CNTLN: variants seen among roughly 807,000 people sequenced by gnomAD.
The protein encoded by CNTLN is centlein, also known as centlein, centrosomal protein.
In CNTLN, 212 loss-of-function variants were observed where a neutral mutation model predicts 180.0. The observed-to-expected ratio is 1.18, with a 90% CI of 1.05 to 1.32. The LOEUF (loss-of-function observed/expected upper bound fraction) is 1.32, where lower values mean the gene tolerates loss of function less well. Among genes scored for constraint, CNTLN ranks in the 40% most tolerant of loss-of-function variants. The pLI, the probability that CNTLN is intolerant of heterozygous loss-of-function variation, is 0.00. For missense variants in CNTLN, 2,095 were observed against 1,610.9 expected, an observed-to-expected ratio of 1.30 and a Z score of -5.14; for synonymous variants, 722 against 563.1, an observed-to-expected ratio of 1.28 and a Z score of -3.99.
At chr9:17,413,091 TA>T (rs1827974457) in intron 16 of CNTLN, among the ~76,000 whole-genome samples, 1 of 152,154 alleles carries the variant, frequency 6.6e-6, no homozygotes, top group African/African-American at 2.4e-5. Flanking sequence ...ATTATTCACA[TA>T]ATGGAACAGA....
chr9:17,366,562 A>C, intron 12 of CNTLN, 55 bp from the exon 13 acceptor site: 1 of 845,040 alleles, frequency 1.2e-6, no homozygotes, highest in Admixed American at 2.2e-5. Context: ...TATATGTTTG[A>C]TTTTTTTAAA....
At chr9:17,217,941 T>G (rs1275943132) in intron 2 of CNTLN, among the ~76,000 whole-genome samples, 1 of 152,168 alleles carries the variant, frequency 6.6e-6, no homozygotes, top group Non-Finnish European at 1.5e-5. Flanking sequence ...TGATCTTATT[T>G]AATACTATAT....
intron 12 of CNTLN, among the ~76,000 whole-genome samples, chr9:17,352,294 T>C (rs1215872747): frequency 2.6e-5 from 4 of 151,318 alleles, no homozygotes; most frequent in African/African-American, 9.7e-5. Flanking sequence ...TCCATAATAA[T>C]TGCTTAAGTA....
intron 2 of CNTLN, among the ~76,000 whole-genome samples, chr9:17,173,924 G>C (rs1820562163): frequency 6.6e-6 from 1 of 152,136 alleles, no homozygotes; most frequent in Non-Finnish European, 1.5e-5. Flanking sequence ...CATTTATACA[G>C]TCAATGCAGA....
Position 17,236,334 on chromosome 9 carries a change from A to AT in CNTLN, c.670-73dup, listed in dbSNP as rs1437402603. 13 of 1,248,142 alleles carry AT rather than the reference A, an allele frequency of 1.0e-5. No individual in the cohort carries two copies. In the East Asian group the frequency reaches 3.0e-4, roughly 29 times the overall value. 77.3% of individuals were successfully genotyped at this position (1,248,142 alleles called of 1,614,324 possible). On this transcript the variant is annotated intron_variant, in intron 4 of 25. Transcript: ENST00000380647. ...AAAACTGCACAGTTTGTATTTGCTG[A>AT]TTAGTGCTCACCATTTTTTGGGTTT...
chr9:17,516,661 G>A, the CNTLN span, among the ~76,000 whole-genome samples: 1 of 152,114 alleles, frequency 6.6e-6, no homozygotes, highest in Non-Finnish European at 1.5e-5. Context: ...TCACATCAGG[G>A]TCCTATGGCC....
At chr9:17,445,414 T>C (rs112047582) in intron 18 of CNTLN, among the ~76,000 whole-genome samples, 12 of 151,980 alleles carry the variant, frequency 7.9e-5, no homozygotes, top group African/African-American at 2.9e-4. Flanking sequence ...TAGAAAGAAG[T>C]AGACATAGGA....
chr9:17,466,000 A>T lies in CNTLN; in HGVS notation c.3551A>T (p.Glu1184Val). ...LDKKVKTLTE[E>V]CSNKKVSIDS... ...ATGTAGGTAAAGACATTAACTGAAGAATGTTCCAACAAGAAGGTATCAATT... is the reference window on the plus strand; with the variant it reads ...ATGTAGGTAAAGACATTAACTGAAGTATGTTCCAACAAGAAGGTATCAATT... The change falls in exon 22 of 26, where the codon GAA (glutamate) becomes GTA (valine). Residue 1184 changes from glutamate (E) to valine (V), a missense_variant. By Grantham distance (121) the Glu-to-Val change is moderately radical (BLOSUM62 -2). Transcript: ENST00000380647. 1 of 1,603,964 alleles carries T rather than the reference A, an allele frequency of 6.2e-7. No individual in the cohort carries two copies. Among genetic ancestry groups the T allele is most frequent in the Non-Finnish European group, 8.5e-7 (1 of 1,173,596 alleles).
intron 8 of CNTLN, among the ~76,000 whole-genome samples, chr9:17,316,458 T>C (rs1819544837): frequency 6.6e-6 from 1 of 152,106 alleles, no homozygotes. Flanking sequence ...TATGTCCTGA[T>C]AAACCTATTG....
intron 5 of CNTLN, among the ~76,000 whole-genome samples, chr9:17,252,979 A>G (rs1826245372): frequency 6.6e-6 from 1 of 151,514 alleles, no homozygotes; most frequent in Admixed American, 6.6e-5. Flanking sequence ...TCTTTTACTC[A>G]TGGTTATCTA....
At chr9:17,171,397 G>A (rs1021249557) in intron 2 of CNTLN, among the ~76,000 whole-genome samples, 2 of 152,138 alleles carry the variant, frequency 1.3e-5, no homozygotes, top group African/African-American at 4.8e-5. Flanking sequence ...AGGATACAGT[G>A]GTATAGTCTC....
chr9:17,241,080 G>T (rs112021497), intron 5 of CNTLN, among the ~76,000 whole-genome samples: 23 of 152,038 alleles, frequency 1.5e-4, no homozygotes, highest in Non-Finnish European at 2.6e-4. Flanking sequence ...GGATGGTCTC[G>T]ATCTCCTGAC....
chr9:17,387,018 A>G (rs753629849), intron 13 of CNTLN, among the ~76,000 whole-genome samples: 10 of 152,212 alleles, frequency 6.6e-5, no homozygotes, highest in Non-Finnish European at 1.5e-4. Flanking sequence ...CCCAGGTGGC[A>G]AATTCTACCT....
At chr9:17,344,540 A>G (rs1457302074) in intron 12 of CNTLN, among the ~76,000 whole-genome samples, 3 of 152,170 alleles carry the variant, frequency 2.0e-5, no homozygotes, top group Non-Finnish European at 4.4e-5. Flanking sequence ...TGCTAGGTCA[A>G]TGAAATGAGA....
At chr9:17,521,486 C>T in the CNTLN span, among the ~76,000 whole-genome samples, 6 of 152,136 alleles carry the variant, frequency 3.9e-5, no homozygotes, top group South Asian at 2.1e-4. Flanking sequence ...TTTTTTCCCC[C>T]GAATTCACTC....
chr9:17,172,890 T>C (rs1820503264), intron 2 of CNTLN, among the ~76,000 whole-genome samples: 1 of 152,196 alleles, frequency 6.6e-6, no homozygotes, highest in Non-Finnish European at 1.5e-5. Context: ...TTATTTATGC[T>C]GATGTTTCAT....
At chr9:17,259,719 G>A (rs1423730150) in intron 5 of CNTLN, among the ~76,000 whole-genome samples, 2 of 150,394 alleles carry the variant, frequency 1.3e-5, no homozygotes, top group Non-Finnish European at 2.9e-5. Context: ...TGTATGTGTC[G>A]AGGAATTTAT....
intron 18 of CNTLN, among the ~76,000 whole-genome samples, chr9:17,452,425 G>C (rs762666850): frequency 6.6e-6 from 1 of 152,190 alleles, no homozygotes; most frequent in Non-Finnish European, 1.5e-5. Context: ...GCTGTACTTA[G>C]CTTCTAGATC....
At chr9:17,519,250 T>C in the CNTLN span, among the ~76,000 whole-genome samples, 3 of 151,896 alleles carry the variant, frequency 2.0e-5, no homozygotes, top group East Asian at 5.8e-4. Flanking sequence ...GAGTGTTTTT[T>C]TTTTTTTTTA....
Sources: allele counts gnomAD v4.1 joint callset (sites outside exome capture counted in the v4.1 genomes callset), GRCh38; gene constraint gnomAD v4.1.1; transcripts MANE v1.5; gene names NCBI Gene and HGNC (gene_info 2026-07-23, HGNC 2026-07-21).